Variants in AK9 observed in about 807,000 individuals in gnomAD.
AK9 encodes adenylate kinase 9.
A neutral mutation model predicts 239.6 loss-of-function variants in AK9; 191 were observed. The ratio of observed to expected loss-of-function variants is 0.80; its 90% CI spans 0.71 to 0.90. The LOEUF is 0.90. Among genes scored for constraint, AK9 ranks in the 40% least tolerant of loss-of-function variants. The pLI is 0.00. For synonymous variants in AK9, 689 were observed against 721.0 expected (o/e 0.96, Z 0.71); for missense variants, 1,995 against 2,214.7 (o/e 0.90, Z 1.99).
At chr6:109,630,382 C>T (rs944294361) in intron 12 of AK9, among the ~76,000 whole-genome samples, 12 of 152,076 alleles carry the variant, frequency 7.9e-5, no homozygotes, top group Non-Finnish European at 1.2e-4. Flanking sequence ...GTTAAAATCT[C>T]AAAAGATTTT....
intron 24 of AK9, among the ~76,000 whole-genome samples, chr6:109,555,224 T>C (rs1478278149): frequency 6.6e-6 from 1 of 152,234 alleles, no homozygotes; most frequent in African/African-American, 2.4e-5. Flanking sequence ...TTTGTTCTCA[T>C]TGGTTTCAAA....
At chr6:109,566,548 A>G (rs1786544194) in intron 21 of AK9, among the ~76,000 whole-genome samples, 1 of 152,206 alleles carries the variant, frequency 6.6e-6, no homozygotes. Context: ...ATTAAAATAA[A>G]GGCAGAAATA....
At chr6:109,657,631 T>C (rs992614275) in intron 7 of AK9, among the ~76,000 whole-genome samples, 3 of 151,808 alleles carry the variant, frequency 2.0e-5, no homozygotes, top group African/African-American at 7.3e-5. Context: ...ACACGTGCCA[T>C]GTTGGTGTGC....
At chr6:109,615,235 T>G (rs932330569) in intron 13 of AK9, among the ~76,000 whole-genome samples, 1 of 148,618 alleles carries the variant, frequency 6.7e-6, no homozygotes, top group African/African-American at 2.4e-5. Context: ...CATGTTGTAT[T>G]TTTTTTCCAT....
At chr6:109,576,473 A>T (rs1788103084) in intron 20 of AK9, among the ~76,000 whole-genome samples, 1 of 105,232 alleles carries the variant, frequency 9.5e-6, no homozygotes, top group East Asian at 3.3e-4. Context: ...TCTTGATTTC[A>T]TTCTCAGCTT....
chr6:109,493,556 C>A lies in AK9; in HGVS notation c.5549G>T (p.Gly1850Val). 1.2e-6 allele frequency: 2 copies of A among 1,613,312 alleles called. No individual in the cohort carries two copies. Among genetic ancestry groups the A allele is most frequent in the Non-Finnish European group, 1.7e-6 (2 of 1,179,824 alleles). Reference protein sequence around the residue: ...ALHLKAFNPKGSEYTRKKYKK... With the variant: ...ALHLKAFNPKVSEYTRKKYKK... ...ATACTTTTTTCTTGTGTATTCGGAA[C>A]CTTTGGGATTAAATGCTGTAGAAAA... The change falls in exon 41 of 41, where the codon GGT becomes GTT. Residue 1850 changes from glycine to valine, a missense_variant. Coordinates refer to ENST00000424296, the MANE Select transcript of AK9 (RefSeq NM_001145128.3).
chr6:109,635,110 A>G (rs1456637673), intron 10 of AK9, among the ~76,000 whole-genome samples: 1 of 152,160 alleles, frequency 6.6e-6, no homozygotes. Context: ...TGACAGTAGA[A>G]GAATAAAAAA....
intron 24 of AK9, among the ~76,000 whole-genome samples, chr6:109,562,865 G>A (rs1785960115): frequency 6.6e-6 from 1 of 152,056 alleles, no homozygotes; most frequent in South Asian, 2.1e-4. Context: ...GCACCAGAGT[G>A]GGACACAGAA....
At chr6:109,651,307 T>C (rs1044593090) in intron 8 of AK9, among the ~76,000 whole-genome samples, 8 of 150,858 alleles carry the variant, frequency 5.3e-5, no homozygotes, top group Admixed American at 2.0e-4. Context: ...ACAACCTGCT[T>C]CTGAATGACT....
At chr6:109,640,006 TATCTC>T (rs1797198273) in intron 10 of AK9, among the ~76,000 whole-genome samples, 1 of 152,196 alleles carries the variant, frequency 6.6e-6, no homozygotes, top group African/African-American at 2.4e-5. Context: ...CCATTGATCT[TATCTC>T]TGTTTGGGTA....
intron 12 of AK9, chr6:109,632,365 C>G: frequency 1.0e-6 from 1 of 958,106 alleles, no homozygotes; most frequent in Non-Finnish European, 1.2e-6. Context: ...CATTCCAATC[C>G]CTCATCAAAT....
At chr6:109,634,638 C>T (rs1796500405) in intron 10 of AK9, among the ~76,000 whole-genome samples, 1 of 152,100 alleles carries the variant, frequency 6.6e-6, no homozygotes, top group African/African-American at 2.4e-5. Context: ...ATGAATGTTC[C>T]CAAGTGAGAG....
At chr6:109,537,034 A>G (rs1402171688) in intron 27 of AK9, among the ~76,000 whole-genome samples, 1 of 152,172 alleles carries the variant, frequency 6.6e-6, no homozygotes, top group Non-Finnish European at 1.5e-5. Flanking sequence ...TTTTGCATCA[A>G]TGTTCATCAG....
intron 29 of AK9, among the ~76,000 whole-genome samples, chr6:109,518,965 C>A (rs966975704): frequency 1.3e-5 from 2 of 152,068 alleles, no homozygotes; most frequent in African/African-American, 4.8e-5. Flanking sequence ...TCTCCCCAAC[C>A]CTCCTCCTTC....
At position 109,542,047 on chromosome 6, in the gene AK9, CGTATTG is replaced by C. The variant is rs1343065169; in HGVS notation, c.3344_3349del (p.Pro1115_Ile1116del). The C allele has an allele frequency of 1.9e-6, 3 of 1,572,230 alleles. No homozygotes were observed. The African/African-American group carries it at 4.1e-5, about 22-fold the overall frequency. On this transcript the variant is annotated inframe_deletion and splice_region_variant, in exon 27 of 41. Coordinates refer to ENST00000424296, the MANE Select transcript of AK9 (RefSeq NM_001145128.3). ...TACAATTCTATATAAATTAAGATAC[CGTATTG>C]GTTCCTTAAGCCACCACTCAGAAAG...
intron 19 of AK9, among the ~76,000 whole-genome samples, chr6:109,580,106 G>A (rs1174340205): frequency 6.6e-6 from 1 of 152,034 alleles, no homozygotes; most frequent in Non-Finnish European, 1.5e-5. Context: ...AGTGTTTTAA[G>A]TTTTCTTTAA....
chr6:109,500,756 G>A (rs1582729577), intron 35 of AK9, among the ~76,000 whole-genome samples: 2 of 152,180 alleles, frequency 1.3e-5, no homozygotes, highest in Admixed American at 6.5e-5. Flanking sequence ...GGTGGCTCAC[G>A]CCTGTAATCG....
At chr6:109,632,809 G>T in intron 12 of AK9, 114 bp downstream of exon 12, 2 of 1,376,438 alleles carry the variant, frequency 1.5e-6, no homozygotes, top group African/African-American at 1.5e-5. Flanking sequence ...TAAAAACTGA[G>T]TACAAATAAA....
chr6:109,658,173 T>G (rs543860352), intron 7 of AK9, among the ~76,000 whole-genome samples: 1 of 152,302 alleles, frequency 6.6e-6, no homozygotes, highest in East Asian at 1.9e-4. Context: ...CTTAGAATAG[T>G]TCCTACAAGT....
Sources: gnomAD v4.1 joint callset for allele counts (sites outside exome capture counted in the v4.1 genomes callset) on GRCh38, gnomAD v4.1.1 for gene constraint, MANE v1.5 for transcripts, NCBI Gene and HGNC (gene_info 2026-07-23, HGNC 2026-07-21) for gene names.